NBAS: variants seen among roughly 807,000 people sequenced by gnomAD.
The protein encoded by NBAS is NBAS subunit of NRZ tethering complex.
NBAS carries 219 observed loss-of-function variants against 302.5 expected under a neutral mutation model. That is an observed-to-expected ratio of 0.72 (90% CI 0.65 to 0.81). The LOEUF is 0.81. Ranked by LOEUF, NBAS falls within the 30% of genes least tolerant of loss-of-function variation. The pLI is 0.00. For synonymous variants in NBAS, 1,118 were observed against 1,021.6 expected, an observed-to-expected ratio of 1.09 and a Z score of -1.80; for missense variants, 2,932 against 2,841.6, an observed-to-expected ratio of 1.03 and a Z score of -0.72.
chr2:15,128,256 C>T, the NBAS span, among the ~76,000 whole-genome samples: 1 of 152,166 alleles, frequency 6.6e-6, no homozygotes, highest in African/African-American at 2.4e-5. Flanking sequence ...TGCTAATATC[C>T]TTACTTTTGC....
chr2:15,282,334 C>T (rs967629797), intron 42 of NBAS, among the ~76,000 whole-genome samples: 2 of 152,132 alleles, frequency 1.3e-5, no homozygotes, highest in African/African-American at 2.4e-5. Flanking sequence ...AGTGTAGCAA[C>T]CCGGACACAA....
Position 15,246,959 on chromosome 2 carries a change from C to T in NBAS, c.5725-8273G>A, listed in dbSNP as rs79332898. Among the ~76,000 whole-genome samples, 1,025 of 152,286 alleles carry T rather than the reference C, an allele frequency of 6.7e-3. 15 individuals are homozygous for T. The highest frequency in any genetic ancestry group is 0.024 in the African/African-American group (993 of 41,546). ...GGTGCCATGGAAGCCCTCAGAAGGG[C>T]CACTCTGCAGACTGGAAGTGATGGG... On this transcript the variant is annotated intron_variant, in intron 44 of 51. Transcript: ENST00000281513.
intron 2 of NBAS, among the ~76,000 whole-genome samples, chr2:15,558,154 C>T (rs1485011496): frequency 6.6e-6 from 1 of 152,206 alleles, no homozygotes; most frequent in Non-Finnish European, 1.5e-5. Flanking sequence ...CTCACACGTG[C>T]AGTTCACAAT....
chr2:14,842,685 A>C, the NBAS span, among the ~76,000 whole-genome samples: 1 of 152,044 alleles, frequency 6.6e-6, no homozygotes, highest in Admixed American at 6.5e-5. Flanking sequence ...TCAACCATCA[A>C]AGAAAAGTCT....
intron 9 of NBAS, among the ~76,000 whole-genome samples, chr2:15,512,362 A>G (rs1350978287): frequency 6.6e-6 from 1 of 152,166 alleles, no homozygotes; most frequent in Non-Finnish European, 1.5e-5. Flanking sequence ...AAAAAGCACT[A>G]TATTATGGTA....
intron 44 of NBAS, among the ~76,000 whole-genome samples, chr2:15,245,608 AGGATGGATGGATGGATGGATGGAT>A (rs57408257): frequency 1.4e-5 from 2 of 148,038 alleles, no homozygotes; most frequent in African/African-American, 5.0e-5. Flanking sequence ...GTTGAATGGA[AGGATGGATGGATGGATGGATGGAT>A]GGATGGATGG....
the NBAS span, among the ~76,000 whole-genome samples, chr2:14,849,343 A>T: frequency 6.6e-6 from 1 of 151,716 alleles, no homozygotes; most frequent in Non-Finnish European, 1.5e-5. Context: ...ATGGAAGATG[A>T]AATGAATGAA....
chr2:15,205,229 A>G (rs1223597078), intron 48 of NBAS, among the ~76,000 whole-genome samples: 2 of 152,136 alleles, frequency 1.3e-5, no homozygotes, highest in African/African-American at 4.8e-5. Context: ...TGCATGGATA[A>G]CCTCAAATCA....
the NBAS span, among the ~76,000 whole-genome samples, chr2:14,786,226 G>T: frequency 1.3e-5 from 2 of 151,812 alleles, no homozygotes; most frequent in Non-Finnish European, 2.9e-5. Context: ...TTCTTTATTA[G>T]TCTTGCTAGC....
chr2:15,076,209 T>C, the NBAS span, among the ~76,000 whole-genome samples: 1 of 152,222 alleles, frequency 6.6e-6, no homozygotes, highest in African/African-American at 2.4e-5. Context: ...TAGGAGTGTT[T>C]GCTTTGTCTT....
At chr2:15,460,675 A>C (rs112120390) in intron 21 of NBAS, among the ~76,000 whole-genome samples, 1 of 152,220 alleles carries the variant, frequency 6.6e-6, no homozygotes, top group Non-Finnish European at 1.5e-5. Flanking sequence ...CTTTGACACT[A>C]TATCACATGC....
intron 44 of NBAS, among the ~76,000 whole-genome samples, chr2:15,247,663 A>ACTCT (rs371241411): frequency 2.7e-5 from 4 of 148,470 alleles, no homozygotes; most frequent in Admixed American, 1.3e-4. Context: ...AAGAAGAGCT[A>ACTCT]CTCTCTCTCT....
At chr2:14,991,131 C>T in the NBAS span, among the ~76,000 whole-genome samples, 1 of 152,134 alleles carries the variant, frequency 6.6e-6, no homozygotes, top group South Asian at 2.1e-4. Flanking sequence ...CTGGTGTGCA[C>T]ATGGGAGAAC....
chr2:14,880,625 ATCAG>A, the NBAS span, among the ~76,000 whole-genome samples: 1 of 152,162 alleles, frequency 6.6e-6, no homozygotes, highest in African/African-American at 2.4e-5. Flanking sequence ...GAAAAGAGTA[ATCAG>A]TCAGGAGAAA....
the NBAS span, among the ~76,000 whole-genome samples, chr2:15,114,673 G>A: frequency 7.2e-5 from 11 of 152,270 alleles, no homozygotes; most frequent in Admixed American, 2.0e-4. Context: ...ACTCTGGGGG[G>A]AAGTATGTGG....
chr2:15,188,117 G>A (rs1485219715), intron 49 of NBAS, among the ~76,000 whole-genome samples: 1 of 152,180 alleles, frequency 6.6e-6, no homozygotes, highest in Non-Finnish European at 1.5e-5. Context: ...CGAGGCTTTG[G>A]TAACAAATTA....
chr2:15,560,695 C>G (rs1042512040), intron 1 of NBAS, among the ~76,000 whole-genome samples: 19 of 152,112 alleles, frequency 1.2e-4, no homozygotes, highest in African/African-American at 4.6e-4. Flanking sequence ...ATTCTGCGCT[C>G]TGCACCAGCC....
chr2:15,471,940 C>T (rs918621175), intron 16 of NBAS, among the ~76,000 whole-genome samples: 2 of 152,202 alleles, frequency 1.3e-5, no homozygotes, highest in African/African-American at 4.8e-5. Context: ...GTTGAAACCA[C>T]ATAGTCTGAT....
rs1572468753 is a variant in NBAS at position 15,218,837 on chromosome 2, T to C, written c.6368A>G (p.Asp2123Gly). 6.2e-7 allele frequency: 1 copy of C among 1,614,114 alleles called. No homozygotes were observed. Among genetic ancestry groups the C allele is most frequent in the Non-Finnish European group, 8.5e-7 (1 of 1,180,050 alleles). Reference sequence around the variant, plus strand: ...TCTAAAGAACACGAGGAGCTTGCTGTCCTCCTCAGTCAGGTGAAATGATTG... The same window carrying C: ...TCTAAAGAACACGAGGAGCTTGCTGCCCTCCTCAGTCAGGTGAAATGATTG... ...LGQSFHLTEE[D>G]SKLLVFFRTE... Residue 2123 changes from aspartate to glycine, a missense_variant, in exon 48 of 52, where the codon GAC becomes GGC. Physicochemically the swap from Asp to Gly is moderately conservative, Grantham distance 94 (BLOSUM62 -1). Coordinates refer to ENST00000281513, the MANE Select transcript of NBAS (RefSeq NM_015909.4).
Sources: allele counts gnomAD v4.1 joint callset (sites outside exome capture counted in the v4.1 genomes callset), GRCh38; gene constraint gnomAD v4.1.1; transcripts MANE v1.5; gene names NCBI Gene and HGNC (gene_info 2026-07-23, HGNC 2026-07-21).